CACNA2D1: variants seen among roughly 807,000 people sequenced by gnomAD.
The protein encoded by CACNA2D1 is calcium voltage-gated channel auxiliary subunit alpha2delta 1.
In CACNA2D1, 53 loss-of-function variants were observed where a neutral mutation model predicts 171.5. That is an observed-to-expected ratio of 0.31 (90% CI 0.25 to 0.39). The LOEUF is 0.39. CACNA2D1 is among the 10% of genes least tolerant of loss of function. The pLI is 1.00. For missense variants in CACNA2D1, 903 were observed against 1,299.8 expected (o/e 0.69, Z 4.69); for synonymous variants, 442 against 443.1 (o/e 1.00, Z 0.03).
chr7:81,958,103 GA>G (rs374290446), intron 38 of CACNA2D1, among the ~76,000 whole-genome samples: 3 of 137,132 alleles, frequency 2.2e-5, no homozygotes, highest in African/African-American at 6.0e-5. Flanking sequence ...ATCTTAAAAA[GA>G]AAAAAAAAAC....
intron 6 of CACNA2D1, among the ~76,000 whole-genome samples, chr7:82,086,795 T>C (rs575245504): frequency 3.8e-4 from 58 of 152,260 alleles, no homozygotes; most frequent in African/African-American, 1.4e-3. Context: ...TTTTATTTGT[T>C]TTTAAGGCTG....
chr7:82,109,613 T>G (rs1448321490), intron 6 of CACNA2D1, among the ~76,000 whole-genome samples: 1 of 152,190 alleles, frequency 6.6e-6, no homozygotes, highest in Non-Finnish European at 1.5e-5. Context: ...TAAAAAAATA[T>G]TTTTTGGAAT....
chr7:82,122,398 A>G (rs909535664), intron 5 of CACNA2D1, among the ~76,000 whole-genome samples: 3 of 152,222 alleles, frequency 2.0e-5, no homozygotes, highest in Non-Finnish European at 4.4e-5. Context: ...TCCTTGAAAT[A>G]AAACTGATGT....
At chr7:82,136,445 T>G (rs563782436) in intron 5 of CACNA2D1, among the ~76,000 whole-genome samples, 190 bp downstream of exon 5, 1 of 151,972 alleles carries the variant, frequency 6.6e-6, no homozygotes, top group African/African-American at 2.4e-5. Context: ...AATTTTTACT[T>G]AGGAAGATGC....
intron 3 of CACNA2D1, among the ~76,000 whole-genome samples, chr7:82,300,316 G>C (rs967429130): frequency 1.6e-4 from 24 of 151,696 alleles, no homozygotes; most frequent in African/African-American, 5.6e-4. Flanking sequence ...AGAAAGGAAA[G>C]GACAAACTAG....
intron 12 of CACNA2D1, among the ~76,000 whole-genome samples, chr7:82,027,458 C>T (rs1340071274): frequency 1.3e-5 from 2 of 151,682 alleles, no homozygotes; most frequent in Non-Finnish European, 1.5e-5. Context: ...CTCTCAATCC[C>T]TCCTCTTTTC....
intron 6 of CACNA2D1, among the ~76,000 whole-genome samples, chr7:82,095,816 G>A (rs1174049594): frequency 6.6e-6 from 1 of 152,118 alleles, no homozygotes; most frequent in Non-Finnish European, 1.5e-5. Context: ...GATAGGCGGT[G>A]GATGGGTATC....
At chr7:82,400,684 CA>C (rs1327547342) in intron 1 of CACNA2D1, among the ~76,000 whole-genome samples, 2 of 152,042 alleles carry the variant, frequency 1.3e-5, no homozygotes, top group Non-Finnish European at 2.9e-5. Flanking sequence ...GCAATGGCAA[CA>C]AAAGACAAAA....
In CACNA2D1 at chr7:82,066,524, GCTA is replaced by G; in HGVS notation, c.659-3_659-1del. On this transcript the variant is annotated splice_acceptor_variant and splice_polypyrimidine_tract_variant and intron_variant, in intron 7 of 38. Coordinates refer to ENST00000356860, the MANE Select transcript of CACNA2D1 (RefSeq NM_000722.4). LOFTEE classifies it high-confidence loss of function. ...TCTACTATTATCAACCCATGGTGAA[GCTA>G]AAAAAAAAAAAAAAAGAGAGATATT... 1 of 1,460,956 alleles carries G rather than the reference GCTA, an allele frequency of 6.8e-7. No individual in the cohort carries two copies. The allele number at this position is 1,460,956 out of a possible 1,614,324, so 90.5% of individuals were successfully genotyped here. A position where few individuals can be genotyped will look rare whatever the true frequency, so the allele number is the denominator to read the frequency against.
intron 2 of CACNA2D1, among the ~76,000 whole-genome samples, chr7:82,338,334 T>A (rs866042330): frequency 1.3e-5 from 2 of 149,422 alleles, no homozygotes; most frequent in African/African-American, 2.5e-5. Context: ...ATTTTTTATT[T>A]AAAAAAAAAA....
intron 5 of CACNA2D1, among the ~76,000 whole-genome samples, chr7:82,124,555 T>C (rs557719186): frequency 6.6e-6 from 1 of 152,282 alleles, no homozygotes; most frequent in African/African-American, 2.4e-5. Flanking sequence ...ATCAGAATGG[T>C]TGTGGGCCTC....
chr7:82,065,737 A>C (rs1238201065), intron 8 of CACNA2D1, among the ~76,000 whole-genome samples: 4 of 152,194 alleles, frequency 2.6e-5, no homozygotes. Flanking sequence ...TCTTCATTCA[A>C]ATGATGGTAT....
chr7:82,095,438 AT>A (rs1466213718), intron 6 of CACNA2D1, among the ~76,000 whole-genome samples: 2 of 152,218 alleles, frequency 1.3e-5, no homozygotes, highest in Admixed American at 6.5e-5. Flanking sequence ...TGCCTAGAAT[AT>A]AGTGAAAGAG....
chr7:82,360,173 T>A (rs1164114846), intron 1 of CACNA2D1, among the ~76,000 whole-genome samples: 1 of 152,206 alleles, frequency 6.6e-6, no homozygotes, highest in East Asian at 1.9e-4. Flanking sequence ...TCTCCTCTCA[T>A]CAGAACTTGG....
intron 1 of CACNA2D1, among the ~76,000 whole-genome samples, chr7:82,440,537 C>A (rs957385304): frequency 6.6e-6 from 1 of 151,760 alleles, no homozygotes; most frequent in Non-Finnish European, 1.5e-5. Context: ...TGGCTGCTAC[C>A]ATATCATGTA....
chr7:82,285,788 C>T (rs1030120303), intron 3 of CACNA2D1, among the ~76,000 whole-genome samples: 1 of 152,108 alleles, frequency 6.6e-6, no homozygotes, highest in African/African-American at 2.4e-5. Context: ...ATGGGACCCT[C>T]TATGAAAAAC....
intron 3 of CACNA2D1, among the ~76,000 whole-genome samples, chr7:82,219,073 T>G (rs1369751802): frequency 6.6e-6 from 1 of 152,122 alleles, no homozygotes; most frequent in Non-Finnish European, 1.5e-5. Context: ...GTTATTAAAA[T>G]TAATTCACTT....
intron 6 of CACNA2D1, among the ~76,000 whole-genome samples, chr7:82,109,898 T>A (rs1158226951): frequency 6.6e-6 from 1 of 152,196 alleles, no homozygotes; most frequent in African/African-American, 2.4e-5. Context: ...AGGACTTGCA[T>A]CCACTTCTGT....
At chr7:81,999,450 T>C (rs559047347) in intron 18 of CACNA2D1, among the ~76,000 whole-genome samples, 7 of 152,266 alleles carry the variant, frequency 4.6e-5, no homozygotes, top group African/African-American at 1.7e-4. Context: ...TGGAAATAAA[T>C]ACCACACCAT....
Sources: allele counts gnomAD v4.1 joint callset (sites outside exome capture counted in the v4.1 genomes callset), GRCh38; gene constraint gnomAD v4.1.1; transcripts MANE v1.5; gene names NCBI Gene and HGNC (gene_info 2026-07-23, HGNC 2026-07-21).